The following S100A8 variants were observed in gnomAD, a reference collection of about 807,000 sequenced individuals.
S100A8 encodes protein S100-A8.
In S100A8, 1 loss-of-function variant was observed where a neutral mutation model predicts 4.2. The observed-to-expected ratio is 0.24, with a 90% CI of 0.08 to 1.12. The LOEUF (loss-of-function observed/expected upper bound fraction) is 1.12, where lower values mean the gene tolerates loss of function less well. Ranked by LOEUF, S100A8 falls within the 50% of genes most tolerant of loss-of-function variation. S100A8 has a pLI of 0.53. For synonymous variants in S100A8, 41 were observed against 44.7 expected (o/e 0.92, Z 0.33); for missense variants, 96 against 111.8 (o/e 0.86, Z 0.64).
chr1:153,415,564 C>A, the S100A8 span, among the ~76,000 whole-genome samples: 1 of 152,188 alleles, frequency 6.6e-6, no homozygotes, highest in South Asian at 2.1e-4. Context: ...CAGGTTAGGG[C>A]ACATTATAGC....
the S100A8 span, chr1:153,421,289 T>A: frequency 2.0e-5 from 3 of 152,206 alleles, no homozygotes; most frequent in African/African-American, 7.2e-5. Context: ...CCCAAAGAAA[T>A]GATCTCTGCT....
chr1:153,399,976 G>A, the S100A8 span, among the ~76,000 whole-genome samples: 3 of 152,134 alleles, frequency 2.0e-5, no homozygotes, highest in Non-Finnish European at 4.4e-5. Flanking sequence ...AGACAAGACC[G>A]GAAGACCCTG....
At chr1:153,418,029 A>G in the S100A8 span, 1 of 1,608,836 alleles carries the variant, frequency 6.2e-7, no homozygotes, top group African/African-American at 1.3e-5. Context: ...CCTTAATTCA[A>G]ACTAAGGTAA....
At chr1:153,392,496 A>C (rs1662124652), upstream of S100A8, among the ~76,000 whole-genome samples, 1 of 152,258 alleles carries the variant, frequency 6.6e-6, no homozygotes, top group Non-Finnish European at 1.5e-5. Flanking sequence ...TATATGCAAA[A>C]GAATTGAATG....
At chr1:153,420,361 G>A in the S100A8 span, 1 of 152,314 alleles carries the variant, frequency 6.6e-6, no homozygotes, top group African/African-American at 2.4e-5. Context: ...TCCAGGCAAT[G>A]TTCTGTGCAG....
At chr1:153,409,171 A>G in the S100A8 span, among the ~76,000 whole-genome samples, 1 of 152,186 alleles carries the variant, frequency 6.6e-6, no homozygotes, top group Admixed American at 6.5e-5. Context: ...CAATTAAAAG[A>G]CACAGACTGG....
At chr1:153,408,626 G>T in the S100A8 span, among the ~76,000 whole-genome samples, 4 of 151,980 alleles carry the variant, frequency 2.6e-5, no homozygotes, top group African/African-American at 9.7e-5. Flanking sequence ...AATACAGAGA[G>T]GGCCACAAAG....
At chr1:153,418,031 C>T in the S100A8 span, 27 of 1,608,312 alleles carry the variant, frequency 1.7e-5, no homozygotes, top group African/African-American at 2.7e-5. Context: ...TTAATTCAAA[C>T]TAAGGTAAGA....
the S100A8 span, among the ~76,000 whole-genome samples, chr1:153,409,025 G>A: frequency 3.9e-5 from 6 of 152,276 alleles, no homozygotes; most frequent in African/African-American, 1.4e-4. Context: ...ACAAAAACAT[G>A]CCAAACTGTA....
At chr1:153,417,967 G>A in the S100A8 span, 1,502 of 1,436,412 alleles carry the variant, frequency 1.0e-3, 17 homozygotes, top group African/African-American at 0.017. Flanking sequence ...CTCCATCTTA[G>A]GGCTGTTTTT....
the S100A8 span, among the ~76,000 whole-genome samples, chr1:153,408,309 C>A: frequency 6.6e-6 from 1 of 152,132 alleles, no homozygotes; most frequent in Non-Finnish European, 1.5e-5. Flanking sequence ...AAAACCATGG[C>A]ACGAGAACTA....
the S100A8 span, among the ~76,000 whole-genome samples, chr1:153,418,697 T>C: frequency 9.2e-5 from 14 of 152,264 alleles, no homozygotes; most frequent in East Asian, 7.7e-4. Context: ...AGGGTCTAGA[T>C]GACCAAGAGT....
chr1:153,412,776 C>T, the S100A8 span, among the ~76,000 whole-genome samples: 2 of 152,112 alleles, frequency 1.3e-5, no homozygotes, highest in South Asian at 2.1e-4. Flanking sequence ...AAATGTGGCA[C>T]ATATACACCA....
intron 1 of S100A8, chr1:153,390,820 C>G: frequency 1.9e-6 from 1 of 518,370 alleles, no homozygotes; most frequent in South Asian, 3.1e-5. Context: ...ACCCTCTGCT[C>G]AAGAAAAGTC....
chr1:153,413,893 G>T, the S100A8 span, among the ~76,000 whole-genome samples: 1 of 151,986 alleles, frequency 6.6e-6, no homozygotes, highest in African/African-American at 2.4e-5. Context: ...AAGAGCAAAA[G>T]TGTGTCTCAT....
the S100A8 span, chr1:153,419,173 C>A: frequency 8.1e-5 from 130 of 1,614,136 alleles, no homozygotes; most frequent in Admixed American, 1.8e-4. Context: ...TACCTCGCCA[C>A]TGTCTTTGAG....
chr1:153,406,357 G>A, the S100A8 span, among the ~76,000 whole-genome samples: 1 of 152,098 alleles, frequency 6.6e-6, no homozygotes, highest in Non-Finnish European at 1.5e-5. Flanking sequence ...GGCTCTGCCT[G>A]GAGAAGGCTT....
At chr1:153,399,578 C>G in the S100A8 span, among the ~76,000 whole-genome samples, 1 of 152,156 alleles carries the variant, frequency 6.6e-6, no homozygotes, top group Admixed American at 6.5e-5. Flanking sequence ...TTCTTGAGTA[C>G]CTACAGTGTG....
the S100A8 span, among the ~76,000 whole-genome samples, chr1:153,406,159 C>T: frequency 1.3e-5 from 2 of 152,164 alleles, no homozygotes; most frequent in Non-Finnish European, 2.9e-5. Flanking sequence ...TTCTCCTCTT[C>T]CAAATTCCCA....
Sources: allele counts gnomAD v4.1 joint callset (sites outside exome capture counted in the v4.1 genomes callset), GRCh38; gene constraint gnomAD v4.1.1; transcripts MANE v1.5; gene names NCBI Gene and HGNC (gene_info 2026-07-23, HGNC 2026-07-21).